KIRREL3: variants seen among roughly 807,000 people sequenced by gnomAD.
KIRREL3 encodes kin of IRRE-like protein 3.
In KIRREL3, 36 loss-of-function variants were observed where a neutral mutation model predicts 89.7. The observed-to-expected ratio is 0.40, with a 90% CI of 0.31 to 0.53. The LOEUF (loss-of-function observed/expected upper bound fraction) is 0.53. KIRREL3 is among the 20% of genes least tolerant of loss of function. The probability of loss-of-function intolerance (pLI) is 0.49; values close to 1 mark genes in which losing one functional copy is unlikely to be tolerated. For missense variants in KIRREL3, 864 were observed against 1,056.6 expected (o/e 0.82, Z 2.53); for synonymous variants, 445 against 441.4 (o/e 1.01, Z -0.10).
At chr11:126,835,291 C>G (rs1943742516) in intron 1 of KIRREL3, among the ~76,000 whole-genome samples, 2 of 152,178 alleles carry the variant, frequency 1.3e-5, no homozygotes. Flanking sequence ...GGTTCTTTGA[C>G]CCCTTGTGGA....
chr11:126,980,543 T>C (rs1351990710), intron 1 of KIRREL3, among the ~76,000 whole-genome samples: 1 of 151,878 alleles, frequency 6.6e-6, no homozygotes, highest in Non-Finnish European at 1.5e-5. Flanking sequence ...AGAAAAAAAA[T>C]CGAGGAACTT....
chr11:126,612,649 C>G lies in KIRREL3; in HGVS notation c.56-49737G>C, dbSNP rs1943181605. ...ATCGCCCCCAAAATAAACCCCACAC[C>G]CATCACTCCCCATTTCTGTCCCCGT... On this transcript the variant is annotated intron_variant, in intron 1 of 16. Coordinates refer to ENST00000525144, the MANE Select transcript of KIRREL3 (RefSeq NM_032531.4). This position sits in a 1 kb window ranked among gnomAD's most constrained non-coding sequence, Gnocchi z 4.5. Among the ~76,000 whole-genome samples the G allele has an allele frequency of 6.6e-6, 1 of 152,176 alleles. No homozygotes were observed. The highest frequency in any genetic ancestry group is 6.5e-5 in the Admixed American group (1 of 15,286).
At position 126,615,757 on chromosome 11, in the gene KIRREL3, G is replaced by A. The variant is rs1225722580; in HGVS notation, c.56-52845C>T. The stretch of plus-strand genomic sequence containing the variant: ...TCCAGTGAGGTGTTGGCCCGGTCCA[G>A]AGGCAGAGCCTTACTACCTTTGGCT... On this transcript the variant is annotated intron_variant, in intron 1 of 16. Transcript: ENST00000525144. This position sits in a 1 kb window ranked among gnomAD's most constrained non-coding sequence, Gnocchi z 5.4. 6.6e-6 allele frequency among the ~76,000 whole-genome samples: 1 copy of A among 152,230 alleles called. No individual in the cohort carries two copies. The highest frequency in any genetic ancestry group is 1.5e-5 in the Non-Finnish European group (1 of 68,032).
intron 6 of KIRREL3, among the ~76,000 whole-genome samples, chr11:126,457,333 GTA>G (rs1182992465): frequency 1.5e-4 from 22 of 149,496 alleles, no homozygotes; most frequent in East Asian, 8.1e-4. Context: ...ATGTGTATGT[GTA>G]TATGTGTGTG....
At chr11:126,804,233 A>C (rs770756082) in intron 1 of KIRREL3, among the ~76,000 whole-genome samples, 1 of 152,192 alleles carries the variant, frequency 6.6e-6, no homozygotes, top group Non-Finnish European at 1.5e-5. Flanking sequence ...GAAGGAAATT[A>C]CAGTTTAGGA....
In KIRREL3 at chr11:126,807,200, T is replaced by G. The variant is rs1951230854; in HGVS notation, c.55+193255A>C. ...GCTGACTGCCCCAGGCCCCACCTCC[T>G]GCTAACATTTTATTTTCTCTGACTC... On this transcript the variant is annotated intron_variant, in intron 1 of 16. Coordinates refer to ENST00000525144, the MANE Select transcript of KIRREL3 (RefSeq NM_032531.4). This position sits in a 1 kb window ranked among gnomAD's most constrained non-coding sequence, Gnocchi z 4.3. Among the ~76,000 whole-genome samples, 2 of 152,212 alleles carry G rather than the reference T, an allele frequency of 1.3e-5. No homozygotes were observed. Among genetic ancestry groups the G allele is most frequent in the Admixed American group, 1.3e-4 (2 of 15,284 alleles).
chr11:126,924,485 AT>A lies in KIRREL3; in HGVS notation c.55+75969del, dbSNP rs942404591. Among the ~76,000 whole-genome samples the A allele has an allele frequency of 2.0e-5, 3 of 152,178 alleles. No homozygotes were observed. The highest frequency in any genetic ancestry group is 7.2e-5 in the African/African-American group (3 of 41,434). On this transcript the variant is annotated intron_variant, in intron 1 of 16. Coordinates refer to ENST00000525144, the MANE Select transcript of KIRREL3 (RefSeq NM_032531.4). This position sits in a 1 kb window ranked among gnomAD's most constrained non-coding sequence, Gnocchi z 4.7. ...CACACGGGAAGTCTAACACCCATTAATCCTGTGCCATTATTGTACTTGCCCG... is the reference window on the plus strand; with the variant it reads ...CACACGGGAAGTCTAACACCCATTAACCTGTGCCATTATTGTACTTGCCCG...
rs1388578002 is a variant in KIRREL3 at position 126,443,148 on chromosome 11, G to A, written c.1252+1831C>T. Among the ~76,000 whole-genome samples, 2 of 152,160 alleles carry A rather than the reference G, an allele frequency of 1.3e-5. No homozygotes were observed. Among genetic ancestry groups the A allele is most frequent in the Non-Finnish European group, 2.9e-5 (2 of 68,034 alleles). ...TATCCACCTGCTTTTCCCCAGAAAC[G>A]CCAATGCTCATTTGATGCTCCAGGC... On this transcript the variant is annotated intron_variant, in intron 10 of 16. Transcript: ENST00000525144. This position sits in a 1 kb window ranked among gnomAD's most constrained non-coding sequence, Gnocchi z 7.3.
At chr11:126,450,708 C>T (rs545278394) in intron 7 of KIRREL3, among the ~76,000 whole-genome samples, 29 of 114,162 alleles carry the variant, frequency 2.5e-4, no homozygotes, top group East Asian at 1.1e-3. Context: ...CGTGCATGTG[C>T]GAGTTTGTGC....
intron 1 of KIRREL3, among the ~76,000 whole-genome samples, chr11:126,722,843 G>C (rs1461227711): frequency 6.6e-6 from 1 of 152,236 alleles, no homozygotes; most frequent in East Asian, 1.9e-4. Flanking sequence ...ATGAATGAAT[G>C]AATGTTGAAA....
chr11:126,967,012 T>A (rs535938920), intron 1 of KIRREL3, among the ~76,000 whole-genome samples: 14 of 152,294 alleles, frequency 9.2e-5, no homozygotes, highest in African/African-American at 3.4e-4. Context: ...TGAGAGGTGA[T>A]CTTATCCATC....
rs2134867679 is a variant in KIRREL3 at position 126,627,606 on chromosome 11, A to G, written c.56-64694T>C. Among the ~76,000 whole-genome samples, 1 of 152,318 alleles carries G rather than the reference A, an allele frequency of 6.6e-6. No individual in the cohort carries two copies. Among genetic ancestry groups the G allele is most frequent in the South Asian group, 2.1e-4 (1 of 4,824 alleles). On this transcript the variant is annotated intron_variant, in intron 1 of 16. Transcript: ENST00000525144. This position sits in a 1 kb window ranked among gnomAD's most constrained non-coding sequence, Gnocchi z 5.0. ...CGTGGTACATCATCTCCTAATTAAC[A>G]TGTCTTGTCAGGTCCAGCGGTTGGC...
In KIRREL3 at chr11:126,647,058, A is replaced by G. The variant is rs1359577459; in HGVS notation, c.56-84146T>C. 6.6e-6 allele frequency among the ~76,000 whole-genome samples: 1 copy of G among 152,224 alleles called. No individual in the cohort carries two copies. Among genetic ancestry groups the G allele is most frequent in the Non-Finnish European group, 1.5e-5 (1 of 68,044 alleles). Reference sequence around the variant, plus strand: ...TTAGTAATGATGATGACACTTAAGCATTTAGAAAGTATTACTCATCTTCCA... The same window carrying G: ...TTAGTAATGATGATGACACTTAAGCGTTTAGAAAGTATTACTCATCTTCCA... On this transcript the variant is annotated intron_variant, in intron 1 of 16. Coordinates refer to ENST00000525144, the MANE Select transcript of KIRREL3 (RefSeq NM_032531.4). The surrounding 1 kb of genome is among the most constrained non-coding windows in gnomAD (Gnocchi z 4.9).
rs1419980194 is a variant in KIRREL3 at position 126,697,955 on chromosome 11, C to T, written c.56-135043G>A. ...GGGAGGCTCAGAGACTGAGCAAGTG[C>T]CAAGAAGGGAAGATGACAACGCTGG... On this transcript the variant is annotated intron_variant, in intron 1 of 16. Transcript: ENST00000525144. This position sits in a 1 kb window ranked among gnomAD's most constrained non-coding sequence, Gnocchi z 4.2. Among the ~76,000 whole-genome samples, 1 of 152,066 alleles carries T rather than the reference C, an allele frequency of 6.6e-6. No homozygotes were observed. The highest frequency in any genetic ancestry group is 1.5e-5 in the Non-Finnish European group (1 of 68,016).
Position 126,550,966 on chromosome 11 carries a change from C to T in KIRREL3, c.133+11869G>A, listed in dbSNP as rs1055533064. ...TGGCACCTGTCACAAGTTCAGGCTT[C>T]CAGAACTTCTGGCAGACCCGCTGCA... On this transcript the variant is annotated intron_variant, in intron 2 of 16. Coordinates refer to ENST00000525144, the MANE Select transcript of KIRREL3 (RefSeq NM_032531.4). This position sits in a 1 kb window ranked among gnomAD's most constrained non-coding sequence, Gnocchi z 4.9. 1.3e-5 allele frequency among the ~76,000 whole-genome samples: 2 copies of T among 152,206 alleles called. No homozygotes were observed. The highest frequency in any genetic ancestry group is 2.9e-5 in the Non-Finnish European group (2 of 68,040).
chr11:126,886,856 A>G (rs1260008308), intron 1 of KIRREL3, among the ~76,000 whole-genome samples: 1 of 152,188 alleles, frequency 6.6e-6, no homozygotes, highest in Non-Finnish European at 1.5e-5. Context: ...TAATGGTCAC[A>G]TTCCTTATTC....
chr11:126,865,889 T>C (rs1017673365), intron 1 of KIRREL3, among the ~76,000 whole-genome samples: 19 of 152,144 alleles, frequency 1.2e-4, no homozygotes, highest in African/African-American at 4.6e-4. Flanking sequence ...TTTAACTTTG[T>C]TTTTCCTTGT....
chr11:126,849,498 T>G (rs7126984), intron 1 of KIRREL3, among the ~76,000 whole-genome samples: 3 of 152,154 alleles, frequency 2.0e-5, no homozygotes, highest in African/African-American at 7.2e-5. Context: ...CTCTCTGGAT[T>G]GAGGCCCCTT....
chr11:126,932,416 T>G (rs1947988748), intron 1 of KIRREL3, among the ~76,000 whole-genome samples: 1 of 152,212 alleles, frequency 6.6e-6, no homozygotes, highest in Non-Finnish European at 1.5e-5. Flanking sequence ...GTTCCCGTCT[T>G]GGACACCGAA....
Sources: allele counts gnomAD v4.1 joint callset (sites outside exome capture counted in the v4.1 genomes callset), GRCh38; gene constraint gnomAD v4.1.1; non-coding constraint Gnocchi (gnomAD v3.1); transcripts MANE v1.5; gene names NCBI Gene and HGNC (gene_info 2026-07-23, HGNC 2026-07-21).